Variants in SYNE1 observed in about 807,000 individuals in gnomAD.
SYNE1 encodes spectrin repeat containing nuclear envelope protein 1.
A neutral mutation model predicts 1,111.0 loss-of-function variants in SYNE1; 616 were observed. That is an observed-to-expected ratio of 0.55 (90% CI 0.52 to 0.59). The LOEUF (loss-of-function observed/expected upper bound fraction) is 0.59, where lower values mean the gene tolerates loss of function less well. Among genes scored for constraint, SYNE1 ranks in the 20% least tolerant of loss-of-function variants. SYNE1 has a pLI of 0.00. For synonymous variants in SYNE1, 3,855 were observed against 3,825.8 expected, an observed-to-expected ratio of 1.01 and a Z score of -0.28; for missense variants, 10,006 against 10,417.0, an observed-to-expected ratio of 0.96 and a Z score of 1.72.
At chr6:152,153,990 T>G (rs1171018047) in intron 133 of SYNE1, among the ~76,000 whole-genome samples, 2 of 152,246 alleles carry the variant, frequency 1.3e-5, no homozygotes, top group African/African-American at 4.8e-5. Context: ...CAGCTACATT[T>G]CATTACATTT....
chr6:152,536,186 A>G (rs1456693945), intron 4 of SYNE1, among the ~76,000 whole-genome samples: 1 of 151,064 alleles, frequency 6.6e-6, no homozygotes, highest in African/African-American at 2.4e-5. Flanking sequence ...TTGTTCCTTC[A>G]GAATCCCATT....
chr6:152,393,923 C>G (rs2097688776), intron 51 of SYNE1, among the ~76,000 whole-genome samples: 1 of 152,124 alleles, frequency 6.6e-6, no homozygotes, highest in Non-Finnish European at 1.5e-5. Flanking sequence ...GTTTGCTGCA[C>G]CCATCAACCT....
At chr6:152,167,798 C>T (rs771304598) in intron 130 of SYNE1, 9 of 587,378 alleles carry the variant, frequency 1.5e-5, no homozygotes, top group African/African-American at 1.3e-4. Context: ...TTCTGGATCG[C>T]TTTCCTGTGT....
intron 74 of SYNE1, 89 bp from the exon 75 acceptor site, chr6:152,339,455 T>C: frequency 6.5e-7 from 1 of 1,547,330 alleles, no homozygotes; most frequent in Non-Finnish European, 8.8e-7. Flanking sequence ...TGTTGACATT[T>C]CAAAAATAGT....
intron 141 of SYNE1, among the ~76,000 whole-genome samples, chr6:152,135,637 C>T (rs2152742380): frequency 6.6e-6 from 1 of 152,286 alleles, no homozygotes; most frequent in East Asian, 1.9e-4. Flanking sequence ...TTCATTCATC[C>T]ATTTATTTAT....
At chr6:152,482,973 C>A (rs1350697680) in intron 14 of SYNE1, 112 bp downstream of exon 14, 42 of 1,203,470 alleles carry the variant, frequency 3.5e-5, no homozygotes, top group Admixed American at 1.7e-5. Flanking sequence ...CGTCTCCGAT[C>A]ATGTAGAATT....
intron 95 of SYNE1, among the ~76,000 whole-genome samples, chr6:152,286,521 A>AG (rs1289300678): frequency 1.3e-5 from 2 of 152,246 alleles, no homozygotes; most frequent in East Asian, 3.9e-4. Flanking sequence ...TTTCACTTTA[A>AG]GTTTTTCTAG....
rs1361608939 is a variant in SYNE1 at position 152,353,379 on chromosome 6, A to G, written c.11137T>C (p.Ser3713Pro). 6.2e-7 allele frequency: 1 copy of G among 1,614,104 alleles called. No homozygotes were observed. The highest frequency in any genetic ancestry group is 1.3e-5 in the African/African-American group (1 of 74,930). The change falls in exon 69 of 146, where the codon TCC (serine) becomes CCC (proline). Residue 3713 changes from serine (S) to proline (P), a missense_variant. By Grantham distance (74) the Ser-to-Pro change is moderately conservative (BLOSUM62 -1). Transcript: ENST00000367255. ...TACCAATCAGAATAGGAACTGAGGG[A>G]TGATTCTGATTCCTCCAAACTCTGA... ...EIQSLEESESSLSSYSDWYGS... is the reference protein window; with the variant it reads ...EIQSLEESESPLSSYSDWYGS...
chr6:152,133,182 T>C (rs1411068564), intron 143 of SYNE1, 94 bp downstream of exon 143: 5 of 1,162,858 alleles, frequency 4.3e-6, no homozygotes, highest in East Asian at 4.7e-5. Flanking sequence ...TTCTGACAAG[T>C]ACTATATTTA....
At chr6:152,584,502 G>A (rs1323306952) in intron 3 of SYNE1, among the ~76,000 whole-genome samples, 2 of 152,104 alleles carry the variant, frequency 1.3e-5, no homozygotes, top group Non-Finnish European at 2.9e-5. Context: ...GGACTGCAAT[G>A]GCGCTGTCAG....
chr6:152,473,311 CATTAAA>C (rs1185715040), intron 14 of SYNE1, among the ~76,000 whole-genome samples: 1 of 152,116 alleles, frequency 6.6e-6, no homozygotes, highest in African/African-American at 2.4e-5. Flanking sequence ...CAAAATAATA[CATTAAA>C]ATTAATATTT....
At position 152,442,117 on chromosome 6, in the gene SYNE1, A is replaced by C; in HGVS notation, c.3966T>G (p.Asp1322Glu). The C allele has an allele frequency of 6.2e-7, 1 of 1,614,058 alleles. No homozygotes were observed. Among genetic ancestry groups the C allele is most frequent in the Non-Finnish European group, 8.5e-7 (1 of 1,180,014 alleles). Residue 1322 changes from aspartate to glutamate, a missense_variant, in exon 31 of 146, where the codon GAT (aspartate) becomes GAG (glutamate). By Grantham distance (45) the Asp-to-Glu change is conservative (BLOSUM62 2). Around this residue, in one of 7 missense-constraint regions of SYNE1, gnomAD observed 1,971 missense variants for 2,084.1 expected, o/e 0.95. Coordinates refer to ENST00000367255, the MANE Select transcript of SYNE1 (RefSeq NM_182961.4). ...EELRKLESTL[D>E]GLERSRERQE... Reference sequence around the variant, plus strand: ...GCCTCTCCCGGCTGCGCTCCAGGCCATCCAGTGTGCTCTCCAGCTTCCGCA... The same window carrying C: ...GCCTCTCCCGGCTGCGCTCCAGGCCCTCCAGTGTGCTCTCCAGCTTCCGCA...
intron 3 of SYNE1, among the ~76,000 whole-genome samples, chr6:152,580,110 A>C (rs1405924717): frequency 6.6e-6 from 1 of 152,188 alleles, no homozygotes; most frequent in South Asian, 2.1e-4. Flanking sequence ...ACAGTGGCTG[A>C]ACTGATTTAC....
rs1304685651 is a variant in SYNE1 at position 152,540,148 on chromosome 6, T to C, written c.68-127A>G. 3.1e-6 allele frequency: 3 copies of C among 954,534 alleles called. No individual in the cohort carries two copies. The East Asian group carries it at 7.5e-5, about 24-fold the overall frequency. 59.1% of individuals were successfully genotyped at this position (954,534 alleles called of 1,614,324 possible). A position where few individuals can be genotyped will look rare whatever the true frequency, so the allele number is the denominator to read the frequency against. On this transcript the variant is annotated intron_variant, in intron 3 of 145. Transcript: ENST00000367255. The stretch of plus-strand genomic sequence containing the variant: ...GTTTTCTCATTCATTTTACCAATTA[T>C]TGTCTTGAAGGGAAAAGTCAACAAG...
chr6:152,496,592 C>T (rs1371850702), intron 11 of SYNE1, among the ~76,000 whole-genome samples: 7 of 152,158 alleles, frequency 4.6e-5, no homozygotes, highest in Admixed American at 2.0e-4. Flanking sequence ...ACCCCTTACC[C>T]CAAAATCTTT....
intron 34 of SYNE1, 43 bp from the exon 35 acceptor site, chr6:152,430,752 G>A: frequency 6.4e-7 from 1 of 1,558,078 alleles, no homozygotes; most frequent in Non-Finnish European, 8.8e-7. Flanking sequence ...GGCTGAGCAA[G>A]CTTGCCTTCC....
intron 3 of SYNE1, among the ~76,000 whole-genome samples, chr6:152,548,497 T>C (rs1368427794): frequency 3.3e-5 from 5 of 152,180 alleles, no homozygotes; most frequent in Non-Finnish European, 5.9e-5. Flanking sequence ...CATCACTGCA[T>C]GTTGAAGAAG....
chr6:152,350,330 A>G lies in SYNE1; in HGVS notation c.11739T>C (p.His3913=), dbSNP rs781207811. 1.6e-5 allele frequency: 26 copies of G among 1,614,056 alleles called. No individual in the cohort carries two copies. Among genetic ancestry groups the G allele is most frequent in the Non-Finnish European group, 1.6e-5 (19 of 1,180,038 alleles). ...YQDLCSIGKE[H]VFSLEAKVKD... ...TGACTTTCGCCTCCAGACTGAAGAC[A>G]TGCTCCTGCAAAACCAGGTGTCCAT... The change falls in exon 72 of 146, where the codon CAT becomes CAC. Residue 3913 remains histidine (H), a synonymous_variant. Transcript: ENST00000367255.
At chr6:152,568,200 A>G (rs2099423702) in intron 3 of SYNE1, among the ~76,000 whole-genome samples, 1 of 151,956 alleles carries the variant, frequency 6.6e-6, no homozygotes, top group African/African-American at 2.4e-5. Context: ...TCAAAAATAC[A>G]TATCCAACAT....
Sources: gnomAD v4.1 joint callset for allele counts (sites outside exome capture counted in the v4.1 genomes callset) on GRCh38, gnomAD v4.1.1 for gene constraint, gnomAD v4.1.1 regional missense constraint, MANE v1.5 for transcripts, NCBI Gene and HGNC (gene_info 2026-07-23, HGNC 2026-07-21) for gene names.